Variants in SLC1A2 observed in about 807,000 individuals in gnomAD.
SLC1A2 encodes the protein solute carrier family 1 member 2.
Under a neutral mutation model 48.8 loss-of-function variants are expected in SLC1A2, and 15 were observed. The observed-to-expected ratio is 0.31, with a 90% CI of 0.21 to 0.47. The LOEUF is 0.47. Ranked by LOEUF, SLC1A2 falls within the 20% of genes least tolerant of loss-of-function variation. The pLI is 0.99. For synonymous variants in SLC1A2, 279 were observed against 272.6 expected (o/e 1.02, Z -0.23); for missense variants, 502 against 730.5 (o/e 0.69, Z 3.61).
At chr11:35,378,340 C>T in intron 1 of SLC1A2, among the ~76,000 whole-genome samples, 1 of 152,368 alleles carries the variant, frequency 6.6e-6, no homozygotes, top group South Asian at 2.1e-4. Flanking sequence ...GGCCCTGCCT[C>T]CTGGGAAGAC....
Position 35,412,957 on chromosome 11 carries a change from GAA to G in SLC1A2, c.17+5991_17+5992del, listed in dbSNP as rs1345751704. Reference sequence around the variant, plus strand: ...ATGTACAACCCAGACCAAAGTTAAAGAAAATAACAAGAAGTGCTTTGGGGGGT... The same window carrying G: ...ATGTACAACCCAGACCAAAGTTAAAGAATAACAAGAAGTGCTTTGGGGGGT... On this transcript the variant is annotated intron_variant, in intron 1 of 10. Coordinates refer to ENST00000278379, the MANE Select transcript of SLC1A2 (RefSeq NM_004171.4). Among the ~76,000 whole-genome samples, 9 of 148,552 alleles carry G rather than the reference GAA, an allele frequency of 6.1e-5. No individual in the cohort carries two copies. The East Asian group carries it at 1.9e-3, about 32-fold the overall frequency.
chr11:35,367,245 G>T (rs890022875), intron 1 of SLC1A2, among the ~76,000 whole-genome samples: 1 of 152,212 alleles, frequency 6.6e-6, no homozygotes, highest in African/African-American at 2.4e-5. Context: ...AGCTATCTGG[G>T]TTTTACCATG....
At chr11:35,405,949 C>A (rs1005110027) in intron 1 of SLC1A2, among the ~76,000 whole-genome samples, 1 of 152,186 alleles carries the variant, frequency 6.6e-6, no homozygotes, top group African/African-American at 2.4e-5. Context: ...TCTCTATGCC[C>A]TTGCATATCT....
intron 1 of SLC1A2, among the ~76,000 whole-genome samples, chr11:35,338,072 T>C (rs1049157238): frequency 1.3e-5 from 2 of 152,216 alleles, no homozygotes. Flanking sequence ...TTGTAGTATC[T>C]GCATAGATCA....
intron 10 of SLC1A2, among the ~76,000 whole-genome samples, chr11:35,262,357 GC>G (rs1321417465): frequency 1.3e-5 from 2 of 152,170 alleles, no homozygotes; most frequent in Non-Finnish European, 2.9e-5. Flanking sequence ...AAATACTGGG[GC>G]CTATGTTTCA....
At chr11:35,397,320 C>A (rs1162942158) in intron 1 of SLC1A2, among the ~76,000 whole-genome samples, 15 of 144,394 alleles carry the variant, frequency 1.0e-4, no homozygotes, top group African/African-American at 2.7e-4. Flanking sequence ...GGTACTGGTA[C>A]CAAAACAGAG....
At chr11:35,286,736 G>T (rs1425314820) in intron 8 of SLC1A2, 21 bp downstream of exon 8, 1 of 1,590,180 alleles carries the variant, frequency 6.3e-7, no homozygotes, top group Non-Finnish European at 8.6e-7. Flanking sequence ...GTTGTTTTGT[G>T]TTTTACCCCA....
intron 1 of SLC1A2, chr11:35,322,488 C>T: frequency 1.1e-6 from 1 of 884,188 alleles, no homozygotes; most frequent in Non-Finnish European, 1.8e-6. Context: ...CAACAGAACA[C>T]TCCCCAGGGA....
chr11:35,322,831 A>AGG, intron 1 of SLC1A2: 1 of 689,186 alleles, frequency 1.5e-6, no homozygotes. Context: ...TCCCACATCC[A>AGG]GGGTTTCCCC....
intron 9 of SLC1A2, among the ~76,000 whole-genome samples, chr11:35,276,820 G>T (rs1272289878): frequency 6.6e-6 from 1 of 152,174 alleles, no homozygotes; most frequent in African/African-American, 2.4e-5. Context: ...GAAAAAAATA[G>T]GTCAAAAATA....
In SLC1A2 at chr11:35,313,770, G is replaced by A. The variant is rs757014479; in HGVS notation, c.310+1253C>T. On this transcript the variant is annotated intron_variant, in intron 3 of 10. Transcript: ENST00000278379. ...AATGCACCCTTTCACTCAATCTAGCGCTGAATGATAAGGTCCCACTTAGCC... is the reference window on the plus strand; with the variant it reads ...AATGCACCCTTTCACTCAATCTAGCACTGAATGATAAGGTCCCACTTAGCC... 3.2e-4 allele frequency among the ~76,000 whole-genome samples: 48 copies of A among 152,230 alleles called. 1 individual carries two copies. The highest frequency in any genetic ancestry group is 2.5e-3 in the Admixed American group (39 of 15,298).
chr11:35,286,622 A>G, intron 8 of SLC1A2, 135 bp downstream of exon 8: 1 of 597,150 alleles, frequency 1.7e-6, no homozygotes, highest in Non-Finnish European at 2.8e-6. Flanking sequence ...AAGGCTGCCA[A>G]TAGTTTCTCT....
rs1950292046 is a variant in SLC1A2, at chr11:35,254,856, G to A, written c.*6038C>T. ...TTGTAAAATATCAAAATGAATATTT[G>A]GCCTGGAGGTTGGAAAGTGAAGCAA... is the stretch of plus-strand genomic sequence containing the variant. On this transcript the variant is annotated 3_prime_UTR_variant, in exon 11 of 11. Coordinates refer to ENST00000278379, the MANE Select transcript of SLC1A2 (RefSeq NM_004171.4). 4.4e-6 allele frequency: 2 copies of A among 452,474 alleles called. No individual in the cohort carries two copies. Among genetic ancestry groups the A allele is most frequent in the South Asian group, 3.1e-5 (2 of 63,868 alleles). 28.0% of individuals were successfully genotyped at this position (452,474 alleles called of 1,614,324 possible). A position where few individuals can be genotyped will look rare whatever the true frequency, so the allele number is the denominator to read the frequency against.
intron 1 of SLC1A2, chr11:35,380,375 A>G: frequency 2.5e-6 from 1 of 398,638 alleles, no homozygotes; most frequent in East Asian, 3.6e-5. Flanking sequence ...CATTGTGAGC[A>G]CTAACCTTCT....
chr11:35,359,357 T>A (rs1212433367), intron 1 of SLC1A2, among the ~76,000 whole-genome samples: 1 of 152,206 alleles, frequency 6.6e-6, no homozygotes, highest in East Asian at 1.9e-4. Flanking sequence ...GATGATGATT[T>A]TGATTTAAAA....
intron 1 of SLC1A2, among the ~76,000 whole-genome samples, chr11:35,340,187 A>C (rs895814690): frequency 3.7e-4 from 57 of 152,196 alleles, no homozygotes; most frequent in African/African-American, 1.4e-3. Context: ...ATGTTACATG[A>C]GACCTGTTCC....
Position 35,252,578 on chromosome 11 carries a change from C to T in SLC1A2, c.*8316G>A, listed in dbSNP as rs1950253388. On this transcript the variant is annotated 3_prime_UTR_variant, in exon 11 of 11. Transcript: ENST00000278379. The stretch of plus-strand genomic sequence containing the variant: ...AAGGTGCTGGACACACACAGACTTT[C>T]AAACAATCATCAGTACAAAGGATTC... 6.6e-6 allele frequency: 1 copy of T among 152,166 alleles called. No homozygotes were observed. 9.4% of individuals were successfully genotyped at this position (152,166 alleles called of 1,614,324 possible).
intron 1 of SLC1A2, among the ~76,000 whole-genome samples, chr11:35,380,977 GGAAAA>G: frequency 6.6e-6 from 1 of 152,184 alleles, no homozygotes; most frequent in Admixed American, 6.5e-5. Flanking sequence ...GAAAAGAGAA[GGAAAA>G]GAAAAGAAAA....
chr11:35,390,382 C>G (rs372666844), intron 1 of SLC1A2, among the ~76,000 whole-genome samples: 2 of 152,160 alleles, frequency 1.3e-5, no homozygotes, highest in Non-Finnish European at 2.9e-5. Context: ...TATTCTCCTC[C>G]ATTTCATTTT....
Sources: allele counts gnomAD v4.1 joint callset (sites outside exome capture counted in the v4.1 genomes callset), GRCh38; gene constraint gnomAD v4.1.1; transcripts MANE v1.5; gene names NCBI Gene and HGNC (gene_info 2026-07-23, HGNC 2026-07-21).